KRTCAP2: variants seen among roughly 807,000 people sequenced by gnomAD.
The protein encoded by KRTCAP2 is dolichyl-diphosphooligosaccharide--protein glycosyltransferase subunit KCP2.
Under a neutral mutation model 16.5 loss-of-function variants are expected in KRTCAP2, and 10 were observed. The observed-to-expected ratio is 0.60, with a 90% CI of 0.37 to 1.02. The LOEUF (loss-of-function observed/expected upper bound fraction) is 1.02, where lower values mean the gene tolerates loss of function less well. KRTCAP2 is among the 50% of genes least tolerant of loss of function. The pLI, the probability that KRTCAP2 is intolerant of heterozygous loss-of-function variation, is 0.01. For missense variants in KRTCAP2, 152 were observed against 159.6 expected (o/e 0.95, Z 0.26); for synonymous variants, 68 against 69.8 (o/e 0.97, Z 0.13).
At chr1:155,170,340 CAAAAAAAAAAAA>C (rs71077986) in intron 3 of KRTCAP2, 1 of 74,252 alleles carries the variant, frequency 1.3e-5, no homozygotes, top group South Asian at 4.4e-4. Flanking sequence ...ACCCCGTCTC[CAAAAAAAAAAAA>C]AAAAAAAAAG....
chr1:155,172,753 GAA>G lies in KRTCAP2; in HGVS notation c.142_143del (p.Phe48ArgfsTer9). Reference sequence around the variant, plus strand: ...GGGAGGATACAGTGAGCGAGAACACGAAGAGACCCGAACCAAGCAGGCCGCCC... The same window carrying G: ...GGGAGGATACAGTGAGCGAGAACACGGAGACCCGAACCAAGCAGGCCGCCC... ...IQGGLLGSGL[F>X]VFSLTAFNNL... is the part of the protein sequence containing the mutation. On this transcript the variant is annotated frameshift_variant, in exon 2 of 5. Coordinates refer to ENST00000295682, the MANE Select transcript of KRTCAP2 (RefSeq NM_173852.4). LOFTEE classifies it high-confidence loss of function. 1 of 1,614,184 alleles carries G rather than the reference GAA, an allele frequency of 6.2e-7. No homozygotes were observed. The highest frequency in any genetic ancestry group is 8.5e-7 in the Non-Finnish European group (1 of 1,180,034).
chr1:155,171,603 A>G (rs1279987378), intron 3 of KRTCAP2: 2 of 982,296 alleles, frequency 2.0e-6, no homozygotes, highest in East Asian at 1.1e-4. Flanking sequence ...CACACCTGTA[A>G]TTCCAGCACT....
chr1:155,172,451 G>A, intron 3 of KRTCAP2, 114 bp downstream of exon 3: 1 of 1,574,474 alleles, frequency 6.4e-7, no homozygotes, highest in Middle Eastern at 1.7e-4. Context: ...GACAGCTTCA[G>A]TAAATATATT....
At chr1:155,172,693 G>A (rs891783309) in intron 2 of KRTCAP2, 45 bp downstream of exon 2, 2 of 1,613,994 alleles carry the variant, frequency 1.2e-6, no homozygotes, top group South Asian at 1.1e-5. Flanking sequence ...AAGGGGAAGG[G>A]CACATGCCTA....
At chr1:155,169,891 T>G in intron 3 of KRTCAP2, 34 bp from the exon 4 acceptor site, 1 of 1,450,464 alleles carries the variant, frequency 6.9e-7, no homozygotes. Context: ...AGGGCAACGG[T>G]CAGAATGGAA....
intron 1 of KRTCAP2, 81 bp downstream of exon 1, chr1:155,173,140 T>C (rs1665327995): frequency 1.6e-6 from 2 of 1,270,212 alleles, no homozygotes; most frequent in Non-Finnish European, 2.2e-6. Context: ...GTCAGCTCTG[T>C]CGGGAGAGGA....
Position 155,172,632 on chromosome 1 carries a change from G to A in KRTCAP2, c.160-4C>T. 6.2e-7 allele frequency: 1 copy of A among 1,614,204 alleles called. No homozygotes were observed. On this transcript the variant is annotated splice_region_variant and splice_polypyrimidine_tract_variant and intron_variant, in intron 2 of 4. Coordinates refer to ENST00000295682, the MANE Select transcript of KRTCAP2 (RefSeq NM_173852.4). Reference sequence around the variant, plus strand: ...GATTCTCCAGATTATTGAAGGCCTGGTTGAGGGAGTTAAGGAGTAGGGTGT... The same window carrying A: ...GATTCTCCAGATTATTGAAGGCCTGATTGAGGGAGTTAAGGAGTAGGGTGT...
At chr1:155,171,868 A>G (rs1023886953) in intron 3 of KRTCAP2, 69 of 973,622 alleles carry the variant, frequency 7.1e-5, no homozygotes, top group East Asian at 6.8e-4. Context: ...AAAAAAAAAA[A>G]AGAGAAAAGA....
intron 1 of KRTCAP2, 31 bp from the exon 2 acceptor site, chr1:155,172,923 C>A: frequency 1.2e-6 from 2 of 1,608,798 alleles, no homozygotes; most frequent in South Asian, 2.2e-5. Flanking sequence ...GACGGAGAGT[C>A]AGGCTCCGCC....
chr1:155,173,201 G>A lies in KRTCAP2; in HGVS notation c.4+20C>T, dbSNP rs1328134074. 1.9e-6 allele frequency: 3 copies of A among 1,608,884 alleles called. No homozygotes were observed. The highest frequency in any genetic ancestry group is 2.2e-5 in the South Asian group (2 of 90,832). On this transcript the variant is annotated intron_variant, in intron 1 of 4. Transcript: ENST00000295682. Reference sequence around the variant, plus strand: ...CCGACCCCCTCTAGGACTTCCTGGGGACCCCACCGGTCCTGTTACCCATCA... The same window carrying A: ...CCGACCCCCTCTAGGACTTCCTGGGAACCCCACCGGTCCTGTTACCCATCA...
rs777966860 is a variant in KRTCAP2 at position 155,173,287 on chromosome 1, G to C, written c.-63C>G. The C allele has an allele frequency of 1.2e-6, 2 of 1,613,946 alleles. No homozygotes were observed. Among genetic ancestry groups the C allele is most frequent in the South Asian group, 2.2e-5 (2 of 90,992 alleles). On this transcript the variant is annotated 5_prime_UTR_variant, in exon 1 of 5. Transcript: ENST00000295682. The stretch of plus-strand genomic sequence containing the variant: ...AAGAAAGGCGAGCTGAACCGGGTGC[G>C]GTTAGCTATGCGCATGCGTCAGCGC...
intron 3 of KRTCAP2, chr1:155,170,800 CTTTT>C (rs939357483): frequency 6.6e-6 from 1 of 151,954 alleles, no homozygotes; most frequent in Admixed American, 6.6e-5. Flanking sequence ...GGCATCTTTT[CTTTT>C]TTTATTATTT....
intron 4 of KRTCAP2, 115 bp from the exon 5 acceptor site, chr1:155,169,675 G>A: frequency 2.8e-6 from 4 of 1,407,046 alleles, no homozygotes; most frequent in Non-Finnish European, 4.0e-6. Context: ...AGGAAAACGG[G>A]GAGGGAGAAC....
chr1:155,171,989 C>T (rs1665266478), intron 3 of KRTCAP2: 1 of 987,852 alleles, frequency 1.0e-6, no homozygotes, highest in African/African-American at 1.7e-5. Flanking sequence ...CTGGCCTTGA[C>T]ACTTAATTTG....
In KRTCAP2 at chr1:155,169,548, G is replaced by A; in HGVS notation, c.303C>T (p.Ser101=). 5 of 1,614,042 alleles carry A rather than the reference G, an allele frequency of 3.1e-6. No homozygotes were observed. Among genetic ancestry groups the A allele is most frequent in the Non-Finnish European group, 4.2e-6 (5 of 1,179,974 alleles). The change falls in exon 5 of 5, where the codon TCC becomes TCT. Residue 101 remains serine, a synonymous_variant. Coordinates refer to ENST00000295682, the MANE Select transcript of KRTCAP2 (RefSeq NM_173852.4). ...RVCVTTCFIF[S]MVGLYYINKI... ...TGTTGATGTAGTACAGACCAACCAT[G>A]GAGAAGATGAAGCTATATGGTGAAG... is the stretch of plus-strand genomic sequence containing the variant.
chr1:155,170,340 C>CAAAAA (rs71077986), intron 3 of KRTCAP2: 4 of 74,242 alleles, frequency 5.4e-5, no homozygotes, highest in East Asian at 3.6e-4. Context: ...ACCCCGTCTC[C>CAAAAA]AAAAAAAAAA....
chr1:155,172,125 T>C (rs1018139640), intron 3 of KRTCAP2: 4 of 1,006,388 alleles, frequency 4.0e-6, no homozygotes, highest in African/African-American at 1.7e-5. Context: ...GGATTCCTGC[T>C]GCCATAGATA....
rs377512582 is a variant in KRTCAP2, at chr1:155,172,900, G to A, written c.5-8C>T. On this transcript the variant is annotated splice_polypyrimidine_tract_variant and splice_region_variant and intron_variant, in intron 1 of 4. Coordinates refer to ENST00000295682, the MANE Select transcript of KRTCAP2 (RefSeq NM_173852.4). ...AGGTGCCCGTACCCACCACTGGAGG[G>A]GATGGGAGAAGGGACGGAGAGTCAG... 2.0e-5 allele frequency: 33 copies of A among 1,613,462 alleles called. No homozygotes were observed. Among genetic ancestry groups the A allele is most frequent in the Admixed American group, 3.3e-5 (2 of 60,004 alleles).
chr1:155,172,425 G>A, intron 3 of KRTCAP2, 140 bp downstream of exon 3: 2 of 1,517,156 alleles, frequency 1.3e-6, no homozygotes, highest in Non-Finnish European at 1.8e-6. Flanking sequence ...GAATCGAAAA[G>A]CGTCATCTGT....
Sources: gnomAD v4.1 joint callset for allele counts on GRCh38, gnomAD v4.1.1 for gene constraint, MANE v1.5 for transcripts, NCBI Gene and HGNC (gene_info 2026-07-23, HGNC 2026-07-21) for gene names.